ARIH1: variants seen among roughly 807,000 people sequenced by gnomAD.
ARIH1 encodes the protein E3 ubiquitin-protein ligase ARIH1.
A neutral mutation model predicts 85.0 loss-of-function variants in ARIH1; 8 were observed. The ratio of observed to expected loss-of-function variants is 0.09; its 90% confidence interval spans 0.06 to 0.17. ARIH1 has a LOEUF of 0.17. Ranked by LOEUF, ARIH1 falls within the 10% of genes least tolerant of loss-of-function variation. ARIH1 has a pLI of 1.00. For synonymous variants in ARIH1, 238 were observed against 253.6 expected (o/e 0.94, Z 0.59); for missense variants, 311 against 718.1 (o/e 0.43, Z 6.48).
intron 8 of ARIH1, 70 bp from the exon 9 acceptor site, chr15:72,567,036 T>G: frequency 8.7e-7 from 1 of 1,144,660 alleles, no homozygotes; most frequent in Non-Finnish European, 1.3e-6. Flanking sequence ...TGACTATAGT[T>G]AAGTGCTAAA....
At chr15:72,514,996 A>C (rs1171944983) in intron 1 of ARIH1, among the ~76,000 whole-genome samples, 1 of 152,072 alleles carries the variant, frequency 6.6e-6, no homozygotes, top group African/African-American at 2.4e-5. Flanking sequence ...AAAAAACAAC[A>C]AAAAAGATAA....
chr15:72,549,838 G>A (rs1392310422), intron 3 of ARIH1, among the ~76,000 whole-genome samples: 5 of 152,050 alleles, frequency 3.3e-5, no homozygotes, highest in African/African-American at 1.2e-4. Context: ...TATTTTTCGT[G>A]TACTCTCTTG....
At position 72,482,839 on chromosome 15, in the gene ARIH1, C is replaced by CTTT. The variant is rs34753101; in HGVS notation, c.375+7841_375+7843dup. On this transcript the variant is annotated intron_variant, in intron 1 of 13. Transcript: ENST00000379887. ...GGCTTGGTAGCAGTTCTCTCTCTCT[C>CTTT]TTTTTTTTTTTTTTTTTTAAAGACA... is the stretch of plus-strand genomic sequence containing the variant. Among the ~76,000 whole-genome samples, 1,012 of 132,148 alleles carry CTTT rather than the reference C, an allele frequency of 7.7e-3. 18 individuals carry two copies. The highest frequency in any genetic ancestry group is 0.024 in the African/African-American group (848 of 35,014). 86.7% of individuals were successfully genotyped at this position (132,148 alleles called of 152,430 possible).
rs1288374149 is a variant in ARIH1, at chr15:72,587,177, G to A, written c.*3885G>A. The A allele has an allele frequency of 2.0e-6, 1 of 499,540 alleles. No individual in the cohort carries two copies. The highest frequency in any genetic ancestry group is 5.6e-5 in the East Asian group (1 of 17,856). 30.9% of individuals were successfully genotyped at this position (499,540 alleles called of 1,614,324 possible). On this transcript the variant is annotated 3_prime_UTR_variant, in exon 14 of 14. Coordinates refer to ENST00000379887, the MANE Select transcript of ARIH1 (RefSeq NM_005744.5). ...AAGGAGGAAGATAAGGCTCACTGAG[G>A]TTAAATAACTCCCTCAATTTTTCAT...
intron 1 of ARIH1, among the ~76,000 whole-genome samples, chr15:72,483,330 C>G (rs2063823923): frequency 6.6e-6 from 1 of 152,226 alleles, no homozygotes; most frequent in African/African-American, 2.4e-5. Flanking sequence ...TTGTTTCCTC[C>G]AGAGTGAGGG....
chr15:72,529,012 AAC>A lies in ARIH1; in HGVS notation c.443+10882_443+10883del, dbSNP rs1474818628. 5.9e-5 allele frequency among the ~76,000 whole-genome samples: 9 copies of A among 152,190 alleles called. No homozygotes were observed. In the East Asian group the frequency reaches 1.5e-3, roughly 26 times the overall value. ...TCAGGAGATCGAGACCATCCTGGCT[AAC>A]ACAGTGAAACCCCATCTCTACTAAA... On this transcript the variant is annotated intron_variant, in intron 2 of 13. Coordinates refer to ENST00000379887, the MANE Select transcript of ARIH1 (RefSeq NM_005744.5).
intron 1 of ARIH1, among the ~76,000 whole-genome samples, chr15:72,487,192 C>G (rs1291653238): frequency 6.6e-6 from 1 of 152,004 alleles, no homozygotes; most frequent in Non-Finnish European, 1.5e-5. Flanking sequence ...AAAAACAGAG[C>G]AGGTAATGAA....
intron 2 of ARIH1, among the ~76,000 whole-genome samples, chr15:72,525,233 A>C (rs1250414508): frequency 2.0e-5 from 3 of 152,204 alleles, no homozygotes; most frequent in African/African-American, 7.2e-5. Context: ...ATAGATCATC[A>C]TCGGGGGAAA....
intron 1 of ARIH1, among the ~76,000 whole-genome samples, chr15:72,501,250 C>A (rs1337280413): frequency 1.3e-5 from 2 of 151,940 alleles, no homozygotes; most frequent in East Asian, 1.9e-4. Context: ...TGGCTTTTTT[C>A]AAAAATAGAA....
At chr15:72,552,550 A>G (rs955065464) in intron 3 of ARIH1, among the ~76,000 whole-genome samples, 4 of 152,170 alleles carry the variant, frequency 2.6e-5, no homozygotes, top group African/African-American at 9.7e-5. Flanking sequence ...TTGGCCTCCC[A>G]AAGTGCTGGG....
Position 72,519,475 on chromosome 15 carries a change from G to GTTTTTTTTTT in ARIH1, c.443+1357_443+1366dup, listed in dbSNP as rs150165121. Among the ~76,000 whole-genome samples the GTTTTTTTTTT allele has an allele frequency of 1.7e-3, 109 of 62,584 alleles. 1 individual carries two copies. Among genetic ancestry groups the GTTTTTTTTTT allele is most frequent in the African/African-American group, 6.5e-3 (100 of 15,414 alleles). 41.1% of individuals were successfully genotyped at this position (62,584 alleles called of 152,430 possible). A position where few individuals can be genotyped will look rare whatever the true frequency, so the allele number is the denominator to read the frequency against. Reference sequence around the variant, plus strand: ...TATGCATTCTGACCATGTTTTTTTTGTTTTTTTTTTTTTTTTTTTTTTTTT... The same window carrying GTTTTTTTTTT: ...TATGCATTCTGACCATGTTTTTTTTGTTTTTTTTTTTTTTTTTTTTTTTTTTTTTTTTTTT... On this transcript the variant is annotated intron_variant, in intron 2 of 13. Coordinates refer to ENST00000379887, the MANE Select transcript of ARIH1 (RefSeq NM_005744.5).
Position 72,602,774 on chromosome 15 carries a change from G to A in ARIH1, c.*19482G>A, listed in dbSNP as rs959593987. Reference sequence around the variant, plus strand: ...ATGTTCCCCCTTTCTCCCAGGAAACGTTCTGACCTTACCCTGGTCCCTCAA... The same window carrying A: ...ATGTTCCCCCTTTCTCCCAGGAAACATTCTGACCTTACCCTGGTCCCTCAA... On this transcript the variant is annotated 3_prime_UTR_variant, in exon 14 of 14. Transcript: ENST00000379887. The A allele has an allele frequency of 1.1e-4, 17 of 152,088 alleles. No individual in the cohort carries two copies. Among genetic ancestry groups the A allele is most frequent in the Admixed American group, 3.9e-4 (6 of 15,256 alleles). The allele number at this position is 152,088 out of a possible 1,614,324, so 9.4% of individuals were successfully genotyped here.
intron 3 of ARIH1, 142 bp from the exon 4 acceptor site, chr15:72,555,129 T>G (rs2064169521): frequency 1.6e-6 from 1 of 613,044 alleles, no homozygotes; most frequent in South Asian, 2.1e-5. Flanking sequence ...CATGAAAAGT[T>G]CATTTTAGGA....
At chr15:72,580,323 TCATC>T in intron 11 of ARIH1, among the ~76,000 whole-genome samples, 1 of 152,340 alleles carries the variant, frequency 6.6e-6, no homozygotes, top group East Asian at 1.9e-4. Context: ...CTTTCTGTGT[TCATC>T]CATTGATGGA....
intron 11 of ARIH1, among the ~76,000 whole-genome samples, chr15:72,573,183 TATC>T (rs1245084603): frequency 2.0e-5 from 3 of 152,240 alleles, no homozygotes; most frequent in African/African-American, 7.2e-5. Context: ...CTAATAAAAA[TATC>T]ATATATAGAA....
intron 2 of ARIH1, among the ~76,000 whole-genome samples, chr15:72,518,616 C>T (rs1171950642): frequency 3.3e-5 from 5 of 151,972 alleles, no homozygotes; most frequent in East Asian, 1.9e-4. Flanking sequence ...GCTGAAGCCC[C>T]GTCTCTACTA....
chr15:72,534,594 C>A (rs1273941852), intron 2 of ARIH1, among the ~76,000 whole-genome samples: 1 of 152,150 alleles, frequency 6.6e-6, no homozygotes, highest in Non-Finnish European at 1.5e-5. Context: ...TTTGCCAAGA[C>A]AGCTTTTCTC....
chr15:72,494,792 A>C (rs1026144271), intron 1 of ARIH1, among the ~76,000 whole-genome samples: 25 of 149,918 alleles, frequency 1.7e-4, no homozygotes, highest in African/African-American at 5.9e-4. Flanking sequence ...GAGGGAAGGC[A>C]TTCAAGATAC....
At chr15:72,517,567 G>T (rs891663811) in intron 1 of ARIH1, among the ~76,000 whole-genome samples, 1 of 151,988 alleles carries the variant, frequency 6.6e-6, no homozygotes, top group African/African-American at 2.4e-5. Flanking sequence ...TGGGACTACA[G>T]GTGTGTACCA....
Sources: allele counts gnomAD v4.1 joint callset (sites outside exome capture counted in the v4.1 genomes callset), GRCh38; gene constraint gnomAD v4.1.1; transcripts MANE v1.5; gene names NCBI Gene and HGNC (gene_info 2026-07-23, HGNC 2026-07-21).